NCAM2: variants seen among roughly 807,000 people sequenced by gnomAD.
The protein encoded by NCAM2 is N-CAM-2.
NCAM2 carries 30 observed loss-of-function variants against 98.1 expected under a neutral mutation model. The observed-to-expected ratio is 0.31, with a 90% CI of 0.23 to 0.41. NCAM2 has a LOEUF of 0.41. NCAM2 is among the 10% of genes least tolerant of loss of function. The probability of loss-of-function intolerance (pLI) is 1.00; values close to 1 mark genes in which losing one functional copy is unlikely to be tolerated. For synonymous variants in NCAM2, 368 were observed against 342.4 expected (o/e 1.07, Z -0.83); for missense variants, 867 against 1,005.8 (o/e 0.86, Z 1.87).
chr21:21,518,671 A>T (rs896940460), intron 16 of NCAM2, among the ~76,000 whole-genome samples: 24 of 151,630 alleles, frequency 1.6e-4, no homozygotes, highest in Non-Finnish European at 4.4e-5. Flanking sequence ...ATAAAGGTAT[A>T]GATAGAGATA....
At chr21:21,232,032 C>A (rs1173288042) in intron 1 of NCAM2, among the ~76,000 whole-genome samples, 4 of 151,264 alleles carry the variant, frequency 2.6e-5, no homozygotes, top group African/African-American at 9.7e-5. Flanking sequence ...TCAGAACCAC[C>A]CCTTCACATT....
At chr21:21,187,100 T>G (rs2146944090) in intron 1 of NCAM2, among the ~76,000 whole-genome samples, 1 of 152,064 alleles carries the variant, frequency 6.6e-6, no homozygotes, top group African/African-American at 2.4e-5. Flanking sequence ...TGTGGTGGTT[T>G]GTGCCCATAG....
intron 12 of NCAM2, among the ~76,000 whole-genome samples, chr21:21,432,626 C>T (rs140649943): frequency 5.3e-4 from 80 of 151,232 alleles, no homozygotes; most frequent in African/African-American, 1.8e-3. Flanking sequence ...TAATATTTCT[C>T]TCAAGAATAG....
Position 21,369,567 on chromosome 21 carries a change from T to C in NCAM2, c.1045-4296T>C, listed in dbSNP as rs535452520. 7.8e-4 allele frequency among the ~76,000 whole-genome samples: 118 copies of C among 151,972 alleles called. 1 individual carries two copies. Among genetic ancestry groups the C allele is most frequent in the Non-Finnish European group, 1.3e-3 (88 of 67,878 alleles). ...CATCTGCACCATTTTACATTCCCAC[T>C]CACAGGGCATGAGGGTGCCAATTTC... On this transcript the variant is annotated intron_variant, in intron 8 of 17. Transcript: ENST00000400546.
intron 1 of NCAM2, among the ~76,000 whole-genome samples, chr21:21,075,422 T>G (rs1260297934): frequency 2.6e-5 from 4 of 152,222 alleles, no homozygotes; most frequent in Non-Finnish European, 5.9e-5. Flanking sequence ...GATTTATTAA[T>G]GCTGTGCATG....
At chr21:21,471,499 A>G (rs1569098123) in intron 14 of NCAM2, among the ~76,000 whole-genome samples, 1 of 152,078 alleles carries the variant, frequency 6.6e-6, no homozygotes, top group Non-Finnish European at 1.5e-5. Flanking sequence ...GTTTAGACAT[A>G]TTCAATATAT....
chr21:21,267,469 G>A (rs1179418734), intron 1 of NCAM2, among the ~76,000 whole-genome samples: 1 of 152,014 alleles, frequency 6.6e-6, no homozygotes, highest in Non-Finnish European at 1.5e-5. Flanking sequence ...ACCTGGGCTG[G>A]AAATCTTAAG....
chr21:21,414,826 AGGCTTC>A (rs1198589819), intron 10 of NCAM2, among the ~76,000 whole-genome samples: 1 of 152,150 alleles, frequency 6.6e-6, no homozygotes, highest in South Asian at 2.1e-4. Flanking sequence ...CTTGATCCAC[AGGCTTC>A]AGAATGGATG....
At chr21:21,374,332 A>G (rs1272149699) in intron 9 of NCAM2, among the ~76,000 whole-genome samples, 1 of 151,786 alleles carries the variant, frequency 6.6e-6, no homozygotes, top group African/African-American at 2.4e-5. Flanking sequence ...ATCACTTTAG[A>G]TTTTTTATTT....
At chr21:21,148,676 C>A (rs1391158314) in intron 1 of NCAM2, among the ~76,000 whole-genome samples, 1 of 152,078 alleles carries the variant, frequency 6.6e-6, no homozygotes, top group Non-Finnish European at 1.5e-5. Flanking sequence ...AAGAAGTATT[C>A]ATAAGTACTT....
In NCAM2 at chr21:21,380,538, A is replaced by G. The variant is rs114470601; in HGVS notation, c.1195+6525A>G. 2.7e-3 allele frequency among the ~76,000 whole-genome samples: 404 copies of G among 151,942 alleles called. 2 individuals are homozygous for G. The highest frequency in any genetic ancestry group is 9.3e-3 in the African/African-American group (384 of 41,442). On this transcript the variant is annotated intron_variant, in intron 9 of 17. Coordinates refer to ENST00000400546, the MANE Select transcript of NCAM2 (RefSeq NM_004540.5). ...GGGTCGGGCTGTGTTCCCTTGTGGA[A>G]GCTCCAGAAGGATTCTGTTTTCTTG...
chr21:21,084,237 C>A (rs2065865942), intron 1 of NCAM2, among the ~76,000 whole-genome samples: 1 of 152,074 alleles, frequency 6.6e-6, no homozygotes, highest in Admixed American at 6.6e-5. Context: ...TCCAAAGGCC[C>A]CTCCTCCTAA....
chr21:21,510,500 T>C (rs907417115), intron 16 of NCAM2, among the ~76,000 whole-genome samples: 12 of 152,158 alleles, frequency 7.9e-5, no homozygotes, highest in African/African-American at 2.4e-4. Context: ...ATTCATGTTT[T>C]GTATTTCAAG....
At chr21:21,000,066 G>C (rs1476719457) in intron 1 of NCAM2, among the ~76,000 whole-genome samples, 1 of 152,234 alleles carries the variant, frequency 6.6e-6, no homozygotes, top group Admixed American at 6.5e-5. Context: ...CAAAATTGCA[G>C]ATATGTCCAT....
chr21:21,540,730 A>G lies in NCAM2; in HGVS notation c.*2773A>G, dbSNP rs1990199613. On this transcript the variant is annotated 3_prime_UTR_variant, in exon 18 of 18. Coordinates refer to ENST00000400546, the MANE Select transcript of NCAM2 (RefSeq NM_004540.5). The stretch of plus-strand genomic sequence containing the variant: ...GTACTGTTAAAATAATTTGAACCCT[A>G]TGATATTTTAAACCAAGAGGCAAAG... 1 of 152,012 alleles carries G rather than the reference A, an allele frequency of 6.6e-6. No individual in the cohort carries two copies. The highest frequency in any genetic ancestry group is 2.4e-5 in the African/African-American group (1 of 41,442). 9.4% of individuals were successfully genotyped at this position (152,012 alleles called of 1,614,324 possible).
intron 1 of NCAM2, among the ~76,000 whole-genome samples, chr21:21,191,365 C>T (rs1420814697): frequency 6.6e-6 from 1 of 152,118 alleles, no homozygotes; most frequent in Non-Finnish European, 1.5e-5. Flanking sequence ...TTCTCAAATC[C>T]TGTTGTGACC....
intron 15 of NCAM2, among the ~76,000 whole-genome samples, chr21:21,507,048 C>A (rs1373787902): frequency 6.8e-6 from 1 of 147,536 alleles, no homozygotes; most frequent in African/African-American, 2.5e-5. Flanking sequence ...TTTTTTTTTT[C>A]AAAACTGAGC....
intron 1 of NCAM2, among the ~76,000 whole-genome samples, chr21:21,111,914 G>A (rs1023542414): frequency 6.6e-6 from 1 of 152,066 alleles, no homozygotes; most frequent in Admixed American, 6.5e-5. Flanking sequence ...TAGATATAAA[G>A]TTTCATAGAT....
chr21:21,010,555 ATTGT>A (rs1310511169), intron 1 of NCAM2, among the ~76,000 whole-genome samples: 2 of 152,070 alleles, frequency 1.3e-5, no homozygotes, highest in Non-Finnish European at 2.9e-5. Context: ...TAATACAGCG[ATTGT>A]TTGATGAACA....
Sources: gnomAD v4.1 joint callset for allele counts (sites outside exome capture counted in the v4.1 genomes callset) on GRCh38, gnomAD v4.1.1 for gene constraint, MANE v1.5 for transcripts, NCBI Gene and HGNC (gene_info 2026-07-23, HGNC 2026-07-21) for gene names.